ELAPOR2: variants seen among roughly 807,000 people sequenced by gnomAD.
The protein encoded by ELAPOR2 is endosome/lysosome-associated apoptosis and autophagy regulator family member 2.
Under a neutral mutation model 120.7 loss-of-function variants are expected in ELAPOR2, and 89 were observed. The ratio of observed to expected loss-of-function variants is 0.74; its 90% CI spans 0.62 to 0.88. ELAPOR2 has a LOEUF of 0.88. Ranked by LOEUF, ELAPOR2 falls within the 40% of genes least tolerant of loss-of-function variation. The pLI is 0.00. For missense variants in ELAPOR2, 1,134 were observed against 1,251.6 expected, an observed-to-expected ratio of 0.91 and a Z score of 1.42; for synonymous variants, 444 against 444.9, an observed-to-expected ratio of 1.00 and a Z score of 0.03.
chr7:86,914,183 G>T (rs1340612731), intron 13 of ELAPOR2, among the ~76,000 whole-genome samples: 2 of 152,100 alleles, frequency 1.3e-5, no homozygotes, highest in African/African-American at 2.4e-5. Flanking sequence ...TGAAACATAT[G>T]GTACAATGGA....
At chr7:86,965,071 G>A (rs201912588) in intron 1 of ELAPOR2, 47 bp from the exon 2 acceptor site, 118 of 1,545,884 alleles carry the variant, frequency 7.6e-5, no homozygotes, top group Admixed American at 4.5e-4. Flanking sequence ...CAGTTCTAAC[G>A]GGACAACTGT....
intron 1 of ELAPOR2, among the ~76,000 whole-genome samples, chr7:87,054,046 A>G (rs1255962118): frequency 6.6e-6 from 1 of 152,184 alleles, no homozygotes. Context: ...TCATCCATTC[A>G]TTGTCAATAC....
chr7:86,903,087 A>T (rs187540345), intron 18 of ELAPOR2, among the ~76,000 whole-genome samples: 16 of 152,200 alleles, frequency 1.1e-4, no homozygotes, highest in African/African-American at 3.6e-4. Flanking sequence ...GAGACAAACT[A>T]AATTAACTGA....
At chr7:87,054,503 G>C (rs1286207389) in intron 1 of ELAPOR2, among the ~76,000 whole-genome samples, 3 of 152,196 alleles carry the variant, frequency 2.0e-5, no homozygotes, top group Admixed American at 2.0e-4. Context: ...TGAAAACAGA[G>C]GCTGAGTCCT....
At chr7:87,006,376 G>T (rs928607132) in intron 1 of ELAPOR2, among the ~76,000 whole-genome samples, 3 of 151,928 alleles carry the variant, frequency 2.0e-5, no homozygotes, top group African/African-American at 4.8e-5. Flanking sequence ...GCCTGTTGGG[G>T]GGTGGGGGGC....
At chr7:86,984,149 T>C (rs13221872) in intron 1 of ELAPOR2, among the ~76,000 whole-genome samples, 57,488 of 151,908 alleles carry the variant, frequency 0.38, 11,714 homozygotes, top group African/African-American at 0.53. Context: ...CCTAAATATA[T>C]ATGCACCTAA....
chr7:86,924,739 C>T (rs779687077), intron 10 of ELAPOR2, among the ~76,000 whole-genome samples: 10 of 146,384 alleles, frequency 6.8e-5, no homozygotes, highest in Admixed American at 2.7e-4. Flanking sequence ...CTTCCTATGA[C>T]TCAAGCTTTT....
Position 86,879,050 on chromosome 7 carries a change from T to C in ELAPOR2, c.*1421A>G, listed in dbSNP as rs1453315536. 1 of 152,174 alleles carries C rather than the reference T, an allele frequency of 6.6e-6. No homozygotes were observed. Among genetic ancestry groups the C allele is most frequent in the Non-Finnish European group, 1.5e-5 (1 of 68,016 alleles). 9.4% of individuals were successfully genotyped at this position (152,174 alleles called of 1,614,324 possible). On this transcript the variant is annotated 3_prime_UTR_variant, in exon 22 of 22. Transcript: ENST00000450689. Reference sequence around the variant, plus strand: ...ATTGGAATGCTTGGGGCAAATCATTTCCCTACATATATGCCCTGCCTCTCT... The same window carrying C: ...ATTGGAATGCTTGGGGCAAATCATTCCCCTACATATATGCCCTGCCTCTCT...
At chr7:86,932,856 G>C (rs1584365976) in intron 8 of ELAPOR2, among the ~76,000 whole-genome samples, 1 of 151,830 alleles carries the variant, frequency 6.6e-6, no homozygotes, top group Non-Finnish European at 1.5e-5. Flanking sequence ...ATATCTGAGA[G>C]TTTCTTTCAC....
chr7:86,971,649 CA>C (rs1792111061), intron 1 of ELAPOR2, among the ~76,000 whole-genome samples: 1 of 151,990 alleles, frequency 6.6e-6, no homozygotes, highest in Non-Finnish European at 1.5e-5. Flanking sequence ...CTAAAGAGAG[CA>C]GAGTAAAGGA....
chr7:86,950,888 T>C (rs1791216176), intron 2 of ELAPOR2, among the ~76,000 whole-genome samples: 1 of 152,086 alleles, frequency 6.6e-6, no homozygotes, highest in Non-Finnish European at 1.5e-5. Flanking sequence ...TAAAATATAG[T>C]ATAAGGTGGT....
rs533086204 is a variant in ELAPOR2, at chr7:87,035,171, A to T, written c.189+24154T>A. ...TATCTTCTCACCAGTTACAGTAGGT[A>T]TGGATATACCCCTGAGCAGTCATTG... On this transcript the variant is annotated intron_variant, in intron 1 of 21. Coordinates refer to ENST00000450689, the MANE Select transcript of ELAPOR2 (RefSeq NM_001142749.3). Among the ~76,000 whole-genome samples the T allele has an allele frequency of 3.9e-5, 6 of 152,252 alleles. No homozygotes were observed. The South Asian group carries it at 1.2e-3, about 32-fold the overall frequency.
chr7:86,901,044 G>T (rs186565343), intron 18 of ELAPOR2, among the ~76,000 whole-genome samples: 11 of 152,192 alleles, frequency 7.2e-5, no homozygotes, highest in South Asian at 2.1e-4. Flanking sequence ...TATAATTTTT[G>T]GTTTATGCAA....
At chr7:86,895,940 G>A (rs991679137) in intron 19 of ELAPOR2, among the ~76,000 whole-genome samples, 1 of 152,046 alleles carries the variant, frequency 6.6e-6, no homozygotes, top group East Asian at 1.9e-4. Flanking sequence ...TCATTATTAA[G>A]AGGATTAACA....
chr7:86,969,806 T>C (rs1792044252), intron 1 of ELAPOR2, among the ~76,000 whole-genome samples: 1 of 152,072 alleles, frequency 6.6e-6, no homozygotes, highest in Admixed American at 6.6e-5. Flanking sequence ...TGCGGAAGAG[T>C]ATACAAAATG....
At chr7:87,003,252 C>T (rs1793373347) in intron 1 of ELAPOR2, among the ~76,000 whole-genome samples, 1 of 152,070 alleles carries the variant, frequency 6.6e-6, no homozygotes, top group African/African-American at 2.4e-5. Flanking sequence ...TTTCCCAAGG[C>T]CATAATGTAT....
chr7:86,900,340 A>G (rs561781081), intron 18 of ELAPOR2, among the ~76,000 whole-genome samples: 2 of 152,172 alleles, frequency 1.3e-5, no homozygotes, highest in Non-Finnish European at 2.9e-5. Flanking sequence ...CAAATGACTT[A>G]ACTCCTTCTT....
chr7:86,905,070 A>AAGGAAGGAAGGAAG (rs1361156377), intron 18 of ELAPOR2, among the ~76,000 whole-genome samples: 1 of 98,148 alleles, frequency 1.0e-5, no homozygotes, highest in African/African-American at 3.9e-5. Context: ...ACAGAGAGAG[A>AAGGAAGGAAGGAAG]GAAGGAAGGA....
chr7:86,899,658 T>C (rs957127485), intron 18 of ELAPOR2, among the ~76,000 whole-genome samples: 1 of 152,142 alleles, frequency 6.6e-6, no homozygotes, highest in African/African-American at 2.4e-5. Flanking sequence ...TGTCTAAAAA[T>C]TGACTGCATT....
Sources: allele counts gnomAD v4.1 joint callset (sites outside exome capture counted in the v4.1 genomes callset), GRCh38; gene constraint gnomAD v4.1.1; transcripts MANE v1.5; gene names NCBI Gene and HGNC (gene_info 2026-07-23, HGNC 2026-07-21).